NKAIN3: variants seen among roughly 807,000 people sequenced by gnomAD.
The protein encoded by NKAIN3 is sodium/potassium-transporting ATPase subunit beta-1-interacting protein 3.
NKAIN3 carries 25 observed loss-of-function variants against 30.2 expected under a neutral mutation model. That is an observed-to-expected ratio of 0.83 (90% CI 0.60 to 1.16). The LOEUF is 1.16. Ranked by LOEUF, NKAIN3 falls within the 50% of genes most tolerant of loss-of-function variation. The pLI, the probability that NKAIN3 is intolerant of heterozygous loss-of-function variation, is 0.00. For missense variants in NKAIN3, 225 were observed against 254.1 expected (o/e 0.89, Z 0.78); for synonymous variants, 91 against 89.6 (o/e 1.02, Z -0.09).
chr8:62,583,893 CTG>C (rs1448328938), intron 2 of NKAIN3, among the ~76,000 whole-genome samples: 1 of 152,062 alleles, frequency 6.6e-6, no homozygotes, highest in Non-Finnish European at 1.5e-5. Context: ...TATGAGAAAT[CTG>C]TTCACAAAAA....
At chr8:62,542,627 C>G (rs1469586637) in intron 1 of NKAIN3, among the ~76,000 whole-genome samples, 1 of 151,364 alleles carries the variant, frequency 6.6e-6, no homozygotes, top group Non-Finnish European at 1.5e-5. Flanking sequence ...TTAGGTATTT[C>G]AGAAAAAAAA....
intron 3 of NKAIN3, among the ~76,000 whole-genome samples, chr8:62,595,212 A>C (rs28477283): frequency 0.023 from 3,430 of 151,996 alleles, 91 homozygotes; most frequent in African/African-American, 0.072. Context: ...TCAATCATGA[A>C]TAGTTATTTT....
intron 1 of NKAIN3, among the ~76,000 whole-genome samples, chr8:62,286,447 G>A (rs1813382920): frequency 6.6e-6 from 1 of 151,948 alleles, no homozygotes; most frequent in Non-Finnish European, 1.5e-5. Context: ...GAACAATACT[G>A]AACCGTAATT....
chr8:62,386,761 C>T (rs1272290316), intron 1 of NKAIN3, among the ~76,000 whole-genome samples: 4 of 152,080 alleles, frequency 2.6e-5, no homozygotes, highest in Admixed American at 6.6e-5. Context: ...CCAGCTTTGC[C>T]GTGTAATCTA....
intron 1 of NKAIN3, among the ~76,000 whole-genome samples, chr8:62,293,719 A>G (rs1485799786): frequency 6.6e-6 from 1 of 152,154 alleles, no homozygotes; most frequent in East Asian, 1.9e-4. Context: ...GTCTGTTCTC[A>G]GATCTCAAAC....
chr8:62,485,243 A>AT, intron 1 of NKAIN3, among the ~76,000 whole-genome samples: 1 of 152,240 alleles, frequency 6.6e-6, no homozygotes, highest in South Asian at 2.1e-4. Context: ...GGCAGTGAGA[A>AT]TCCATGGGTC....
chr8:62,263,405 G>T (rs1307845019), intron 1 of NKAIN3, among the ~76,000 whole-genome samples: 1 of 152,086 alleles, frequency 6.6e-6, no homozygotes, highest in Non-Finnish European at 1.5e-5. Flanking sequence ...TAATGCCTAT[G>T]TGCTTTTCAT....
At chr8:62,394,875 G>GACA (rs1563378738) in intron 1 of NKAIN3, among the ~76,000 whole-genome samples, 2 of 100,402 alleles carry the variant, frequency 2.0e-5, no homozygotes, top group East Asian at 3.5e-4. Context: ...GGCGGCCGGG[G>GACA]GAGGCGCTCA....
intron 4 of NKAIN3, among the ~76,000 whole-genome samples, chr8:62,848,267 G>A (rs150476257): frequency 1.3e-3 from 201 of 152,302 alleles, no homozygotes; most frequent in African/African-American, 4.7e-3. Flanking sequence ...GCTTTGGGCA[G>A]TATGGCCGTT....
intron 4 of NKAIN3, among the ~76,000 whole-genome samples, chr8:62,813,472 T>C (rs887771343): frequency 6.6e-6 from 1 of 150,718 alleles, no homozygotes; most frequent in Non-Finnish European, 1.5e-5. Flanking sequence ...AGTGAGCTTC[T>C]TGTAGGCAGC....
chr8:62,335,436 A>G (rs1815514665), intron 1 of NKAIN3, among the ~76,000 whole-genome samples: 1 of 149,738 alleles, frequency 6.7e-6, no homozygotes, highest in African/African-American at 2.4e-5. Flanking sequence ...CTGTCTCAAA[A>G]AAAAAAAAAA....
chr8:62,768,640 G>T (rs17179622), intron 4 of NKAIN3, among the ~76,000 whole-genome samples: 12,384 of 152,208 alleles, frequency 0.081, 517 homozygotes, highest in Middle Eastern at 0.092. Context: ...GCAGCTCTGA[G>T]TTCATTTTCA....
intron 5 of NKAIN3, among the ~76,000 whole-genome samples, chr8:62,929,966 T>C (rs1822568302): frequency 6.6e-6 from 1 of 152,208 alleles, no homozygotes. Flanking sequence ...CTGCTCTAGA[T>C]GCTACATAGA....
downstream of NKAIN3, among the ~76,000 whole-genome samples, chr8:62,989,313 A>T (rs1357029307): frequency 6.6e-6 from 1 of 152,224 alleles, no homozygotes; most frequent in Non-Finnish European, 1.5e-5. Context: ...TAATAAAGAC[A>T]TACCTGAGAG....
chr8:62,789,743 T>C (rs1445007863), intron 4 of NKAIN3, among the ~76,000 whole-genome samples: 2 of 151,882 alleles, frequency 1.3e-5, no homozygotes, highest in East Asian at 3.9e-4. Flanking sequence ...ACACATACAC[T>C]CTCCCAAGAC....
chr8:62,358,170 C>T (rs1816420303), intron 1 of NKAIN3, among the ~76,000 whole-genome samples: 1 of 149,302 alleles, frequency 6.7e-6, no homozygotes, highest in South Asian at 2.2e-4. Context: ...AATTATGTCA[C>T]TGATAGTTTT....
At chr8:62,855,997 C>G in intron 4 of NKAIN3, 1 of 691,048 alleles carries the variant, frequency 1.4e-6, no homozygotes, top group Admixed American at 2.1e-5. Context: ...ACCAGCAACT[C>G]CTCAGGGCAC....
At chr8:62,588,097 C>T (rs1283201024) in intron 2 of NKAIN3, among the ~76,000 whole-genome samples, 1 of 151,768 alleles carries the variant, frequency 6.6e-6, no homozygotes, top group African/African-American at 2.4e-5. Context: ...TTTTCAATGG[C>T]TTTTTTCTCT....
intron 1 of NKAIN3, among the ~76,000 whole-genome samples, chr8:62,533,711 CAGAGAA>C (rs568393198): frequency 1.3e-5 from 2 of 152,212 alleles, no homozygotes; most frequent in Non-Finnish European, 2.9e-5. Flanking sequence ...TAGCTGTATA[CAGAGAA>C]AAAGTCCCAT....
Sources: allele counts gnomAD v4.1 joint callset (sites outside exome capture counted in the v4.1 genomes callset), GRCh38; gene constraint gnomAD v4.1.1; transcripts MANE v1.5; gene names NCBI Gene and HGNC (gene_info 2026-07-23, HGNC 2026-07-21).